The following MYO18B variants were observed in gnomAD, a reference collection of about 807,000 sequenced individuals.
The protein encoded by MYO18B is myosin XVIIIB.
Under a neutral mutation model 273.0 loss-of-function variants are expected in MYO18B, and 204 were observed. The observed-to-expected ratio is 0.75, with a 90% CI of 0.67 to 0.84. The LOEUF (loss-of-function observed/expected upper bound fraction) is 0.84. MYO18B is among the 40% of genes least tolerant of loss of function. MYO18B has a pLI of 0.00. For missense variants in MYO18B, 3,212 were observed against 3,287.6 expected (o/e 0.98, Z 0.56); for synonymous variants, 1,330 against 1,305.7 (o/e 1.02, Z -0.40).
intron 23 of MYO18B, 148 bp downstream of exon 23, chr22:25,874,562 A>C: frequency 9.7e-7 from 1 of 1,035,516 alleles, no homozygotes; most frequent in South Asian, 1.7e-5. Context: ...GCAAGATGTT[A>C]TGACTGTTTC....
At chr22:25,795,353 A>C (rs2087863428) in intron 11 of MYO18B, among the ~76,000 whole-genome samples, 1 of 152,228 alleles carries the variant, frequency 6.6e-6, no homozygotes, top group Non-Finnish European at 1.5e-5. Context: ...AATCAGAAAC[A>C]TATATATTTA....
chr22:25,995,542 A>G (rs1276994529), intron 40 of MYO18B, among the ~76,000 whole-genome samples: 1 of 152,176 alleles, frequency 6.6e-6, no homozygotes, highest in African/African-American at 2.4e-5. Flanking sequence ...GTACCCACAA[A>G]AATTAAAAAT....
At chr22:25,774,946 A>G (rs2086860458) in intron 7 of MYO18B, among the ~76,000 whole-genome samples, 1 of 152,254 alleles carries the variant, frequency 6.6e-6, no homozygotes, top group African/African-American at 2.4e-5. Context: ...TGTGCCTACA[A>G]GCACACTTCT....
intron 34 of MYO18B, among the ~76,000 whole-genome samples, chr22:25,935,421 G>T (rs2092564414): frequency 1.3e-5 from 2 of 152,120 alleles, no homozygotes; most frequent in African/African-American, 4.8e-5. Context: ...ACTTTCCTGG[G>T]GACATGCTTT....
chr22:25,759,776 CTT>C (rs368380734), intron 1 of MYO18B, among the ~76,000 whole-genome samples: 2 of 152,132 alleles, frequency 1.3e-5, no homozygotes, highest in African/African-American at 4.8e-5. Flanking sequence ...GCTAAACACT[CTT>C]TTTTTGATGG....
chr22:25,998,024 T>A (rs1352544621), intron 40 of MYO18B, among the ~76,000 whole-genome samples: 2 of 150,478 alleles, frequency 1.3e-5, no homozygotes, highest in African/African-American at 2.4e-5. Flanking sequence ...CAGGTGAGGT[T>A]CTTTGAGAGA....
rs569258019 is a variant in MYO18B, at chr22:25,882,366, A to T, written c.4314+4318A>T. On this transcript the variant is annotated intron_variant, in intron 25 of 43. Transcript: ENST00000335473. ...ATATTGCATGTAGATTGAAAAAAAA[A>T]AAAGAAACACCTGTTACATGAGATA... is the stretch of plus-strand genomic sequence containing the variant. 1.9e-4 allele frequency among the ~76,000 whole-genome samples: 29 copies of T among 152,042 alleles called. 1 individual carries two copies. In the South Asian group the frequency reaches 2.9e-3, roughly 15 times the overall value.
intron 34 of MYO18B, among the ~76,000 whole-genome samples, chr22:25,941,955 C>T (rs1305475255): frequency 2.6e-5 from 4 of 152,228 alleles, no homozygotes; most frequent in Non-Finnish European, 5.9e-5. Context: ...GCTTCATTTT[C>T]TTTCTCTCTA....
chr22:25,910,316 G>A (rs963390698), intron 32 of MYO18B, among the ~76,000 whole-genome samples: 3 of 152,072 alleles, frequency 2.0e-5, no homozygotes, highest in Non-Finnish European at 4.4e-5. Context: ...CTGTTTGTAC[G>A]CTCATGTGGT....
chr22:26,005,715 A>T (rs532900856), intron 42 of MYO18B, among the ~76,000 whole-genome samples: 2 of 152,186 alleles, frequency 1.3e-5, no homozygotes, highest in Non-Finnish European at 2.9e-5. Flanking sequence ...AGACTGGAAA[A>T]ATCACAGACT....
intron 39 of MYO18B, among the ~76,000 whole-genome samples, chr22:25,963,151 C>T (rs1601700758): frequency 1.5e-5 from 2 of 134,054 alleles, no homozygotes; most frequent in East Asian, 2.1e-4. Flanking sequence ...CTCTCTCTCT[C>T]CTCTTTCTCC....
At chr22:25,917,123 G>A (rs1685554201) in intron 33 of MYO18B, among the ~76,000 whole-genome samples, 3 of 152,028 alleles carry the variant, frequency 2.0e-5, no homozygotes, top group African/African-American at 4.8e-5. Context: ...TTCAATACAT[G>A]GCAAATGAAT....
At chr22:25,955,664 A>G (rs1393471544) in intron 39 of MYO18B, among the ~76,000 whole-genome samples, 1 of 152,170 alleles carries the variant, frequency 6.6e-6, no homozygotes, top group African/African-American at 2.4e-5. Flanking sequence ...TTCCACTCCA[A>G]TGGCAGGAAG....
chr22:25,942,562 G>A (rs1397453026), intron 34 of MYO18B, among the ~76,000 whole-genome samples: 1 of 152,204 alleles, frequency 6.6e-6, no homozygotes, highest in Non-Finnish European at 1.5e-5. Context: ...GGGCTCTGGC[G>A]TTGGAGCAAG....
downstream of MYO18B, among the ~76,000 whole-genome samples, chr22:26,033,425 C>T (rs901466528): frequency 2.0e-5 from 3 of 152,106 alleles, no homozygotes; most frequent in African/African-American, 7.2e-5. Flanking sequence ...CTTGTGAGTT[C>T]CGTGTTAAAA....
At chr22:25,955,464 G>C (rs2092839446) in intron 39 of MYO18B, 100 bp downstream of exon 39, 12 of 1,307,024 alleles carry the variant, frequency 9.2e-6, no homozygotes, top group Non-Finnish European at 1.2e-5. Context: ...CATAGGTTTG[G>C]GTCCTGGGCC....
the MYO18B span, among the ~76,000 whole-genome samples, chr22:26,044,517 G>A: frequency 3.3e-4 from 51 of 152,332 alleles, no homozygotes; most frequent in African/African-American, 1.1e-3. Context: ...CATATTAAGT[G>A]CTTAACGTGG....
chr22:25,971,898 C>T (rs1004406830), intron 39 of MYO18B, among the ~76,000 whole-genome samples: 2 of 151,872 alleles, frequency 1.3e-5, no homozygotes, highest in African/African-American at 4.8e-5. Flanking sequence ...ACAATTCAGA[C>T]TTATGTGTGC....
chr22:25,835,809 G>T (rs1009283040), intron 17 of MYO18B, among the ~76,000 whole-genome samples: 3 of 152,230 alleles, frequency 2.0e-5, no homozygotes, highest in African/African-American at 7.2e-5. Flanking sequence ...GCGTGCAGAT[G>T]CATCTAACAG....
Sources: allele counts gnomAD v4.1 joint callset (sites outside exome capture counted in the v4.1 genomes callset), GRCh38; gene constraint gnomAD v4.1.1; transcripts MANE v1.5; gene names NCBI Gene and HGNC (gene_info 2026-07-23, HGNC 2026-07-21).